The following COBL variants were observed in gnomAD, a reference collection of about 807,000 sequenced individuals.
COBL encodes cordon-bleu WH2 repeat protein.
COBL carries 51 observed loss-of-function variants against 98.8 expected under a neutral mutation model. That is an observed-to-expected ratio of 0.52 (90% CI 0.41 to 0.65). The LOEUF (loss-of-function observed/expected upper bound fraction) is 0.65. Among genes scored for constraint, COBL ranks in the 30% least tolerant of loss-of-function variants. The probability of loss-of-function intolerance (pLI) is 0.00; values close to 1 mark genes in which losing one functional copy is unlikely to be tolerated. For missense variants in COBL, 1,617 were observed against 1,617.5 expected (o/e 1.00, Z 0.01); for synonymous variants, 634 against 651.7 (o/e 0.97, Z 0.41).
chr7:51,237,270 T>A (rs1563074285), intron 1 of COBL, among the ~76,000 whole-genome samples: 1 of 152,004 alleles, frequency 6.6e-6, no homozygotes, highest in Non-Finnish European at 1.5e-5. Flanking sequence ...TTTTTTCATC[T>A]TAATTCTAGC....
chr7:51,272,653 G>A (rs1035474607), intron 1 of COBL, among the ~76,000 whole-genome samples: 1 of 152,106 alleles, frequency 6.6e-6, no homozygotes, highest in Non-Finnish European at 1.5e-5. Context: ...GTGAAATTGC[G>A]CTTGGACCTC....
chr7:51,189,697 G>C (rs1373544748), intron 4 of COBL, among the ~76,000 whole-genome samples: 1 of 152,024 alleles, frequency 6.6e-6, no homozygotes, highest in East Asian at 1.9e-4. Context: ...AAAAGTCATA[G>C]AAAAACAGGA....
intron 6 of COBL, among the ~76,000 whole-genome samples, chr7:51,093,837 G>A (rs928882151): frequency 5.9e-5 from 9 of 151,684 alleles, no homozygotes; most frequent in Non-Finnish European, 1.3e-4. Context: ...AAGGCTGCAG[G>A]AGGCCATGAT....
chr7:51,232,653 T>C (rs916427784), intron 1 of COBL, among the ~76,000 whole-genome samples: 4 of 152,048 alleles, frequency 2.6e-5, no homozygotes, highest in African/African-American at 2.4e-5. Flanking sequence ...CTACTAAAAA[T>C]ACAAAAAATC....
chr7:51,105,640 A>G (rs1003138169), intron 6 of COBL, among the ~76,000 whole-genome samples: 6 of 152,092 alleles, frequency 3.9e-5, no homozygotes, highest in African/African-American at 1.2e-4. Context: ...GGTCCCAGCT[A>G]CACAGGAGGC....
chr7:51,026,077 C>A (rs1273847818), intron 11 of COBL, among the ~76,000 whole-genome samples: 2 of 152,214 alleles, frequency 1.3e-5, no homozygotes, highest in East Asian at 3.8e-4. Flanking sequence ...CATTGCTCCT[C>A]AATTTCTGTG....
intron 2 of COBL, among the ~76,000 whole-genome samples, chr7:51,204,554 C>CT (rs540131673): frequency 0.21 from 29,513 of 137,512 alleles, 3,816 homozygotes; most frequent in East Asian, 0.38. Context: ...AAATCAGTGG[C>CT]TTTTTTTTTT....
intron 1 of COBL, among the ~76,000 whole-genome samples, chr7:51,302,581 C>CAAACAA (rs1802080060): frequency 1.5e-5 from 1 of 66,560 alleles, no homozygotes; most frequent in Non-Finnish European, 3.4e-5. Context: ...AACTCCGTCT[C>CAAACAA]AAAAAAAAAA....
intron 7 of COBL, among the ~76,000 whole-genome samples, chr7:51,062,983 G>A (rs1322417989): frequency 6.6e-6 from 1 of 152,102 alleles, no homozygotes; most frequent in African/African-American, 2.4e-5. Context: ...TGCAGGGCAG[G>A]CACTTCATTT....
At chr7:51,302,891 C>T (rs907543922) in intron 1 of COBL, among the ~76,000 whole-genome samples, 19 of 152,248 alleles carry the variant, frequency 1.2e-4, no homozygotes, top group Non-Finnish European at 2.6e-4. Flanking sequence ...GTGTTACAGA[C>T]GCCTCACCCC....
At chr7:51,051,748 T>A (rs1021081875) in intron 7 of COBL, among the ~76,000 whole-genome samples, 3 of 152,196 alleles carry the variant, frequency 2.0e-5, no homozygotes, top group Admixed American at 1.3e-4. Context: ...CTAAGTGAAG[T>A]TCCACAGGGA....
chr7:51,070,392 A>AACACACAC lies in COBL; in HGVS notation c.1096+14766_1096+14773dup, dbSNP rs369051694. On this transcript the variant is annotated intron_variant, in intron 7 of 12. Transcript: ENST00000265136. ...TGGGTATGAAGGATGAAACAGTTAA[A>AACACACAC]ACACACACACACACACACACACACA... is the stretch of plus-strand genomic sequence containing the variant. Among the ~76,000 whole-genome samples, 665 of 139,002 alleles carry AACACACAC rather than the reference A, an allele frequency of 4.8e-3. 5 individuals carry two copies. The highest frequency in any genetic ancestry group is 0.014 in the African/African-American group (536 of 38,090). 91.2% of individuals were successfully genotyped at this position (139,002 alleles called of 152,430 possible). A position where few individuals can be genotyped will look rare whatever the true frequency, so the allele number is the denominator to read the frequency against.
rs773517435 is a variant in COBL at position 51,255,316 on chromosome 7, A to T, written c.42-35372T>A. On this transcript the variant is annotated intron_variant, in intron 1 of 12. Transcript: ENST00000265136. ...TGTCAGAGACAGTAACATCCAACCCATTGTGTGACTCTTAAGATTCATTCT... is the reference window on the plus strand; with the variant it reads ...TGTCAGAGACAGTAACATCCAACCCTTTGTGTGACTCTTAAGATTCATTCT... Among the ~76,000 whole-genome samples the T allele has an allele frequency of 7.2e-4, 110 of 152,132 alleles. 1 individual carries two copies. The highest frequency in any genetic ancestry group is 7.2e-3 in the Admixed American group (110 of 15,272).
Position 51,245,099 on chromosome 7 carries a change from G to A in COBL, c.42-25155C>T, listed in dbSNP as rs368242121. Among the ~76,000 whole-genome samples, 78 of 152,154 alleles carry A rather than the reference G, an allele frequency of 5.1e-4. No homozygotes were observed. In the South Asian group the frequency reaches 0.014, roughly 28 times the overall value. ...TTTCCTCATAGCTTCCGAAACCCGC[G>A]CCTTTACAGCCAGGCTTCCTCCACA... On this transcript the variant is annotated intron_variant, in intron 1 of 12. Transcript: ENST00000265136.
chr7:51,204,924 A>G (rs1222537585), intron 2 of COBL, among the ~76,000 whole-genome samples: 1 of 152,240 alleles, frequency 6.6e-6, no homozygotes, highest in African/African-American at 2.4e-5. Flanking sequence ...GCAATAATAA[A>G]TAATAAAATA....
chr7:51,164,904 C>A (rs1787149785), intron 5 of COBL, among the ~76,000 whole-genome samples: 1 of 151,946 alleles, frequency 6.6e-6, no homozygotes, highest in African/African-American at 2.4e-5. Context: ...TATTCATTTT[C>A]TTTTTGCTTA....
chr7:51,027,631 C>G, intron 10 of COBL, 81 bp downstream of exon 10: 1 of 1,204,984 alleles, frequency 8.3e-7, no homozygotes, highest in South Asian at 1.5e-5. Context: ...TCTCTCTCCT[C>G]CGCTTTATTC....
intron 6 of COBL, among the ~76,000 whole-genome samples, chr7:51,105,609 G>A (rs1796187432): frequency 6.6e-6 from 1 of 151,994 alleles, no homozygotes; most frequent in Non-Finnish European, 1.5e-5. Context: ...AAATTAGCTG[G>A]GTGTGGTGAC....
chr7:51,161,192 C>T (rs1786768350), intron 5 of COBL, among the ~76,000 whole-genome samples: 1 of 152,114 alleles, frequency 6.6e-6, no homozygotes, highest in Non-Finnish European at 1.5e-5. Context: ...AGGGGATTTG[C>T]TGTGTGTGTG....
Sources: gnomAD v4.1 joint callset for allele counts (sites outside exome capture counted in the v4.1 genomes callset) on GRCh38, gnomAD v4.1.1 for gene constraint, MANE v1.5 for transcripts, NCBI Gene and HGNC (gene_info 2026-07-23, HGNC 2026-07-21) for gene names.